The following MR1 variants were observed in gnomAD, a reference collection of about 807,000 sequenced individuals.
MR1 encodes major histocompatibility complex, class I-related.
MR1 carries 44 observed loss-of-function variants against 37.8 expected under a neutral mutation model. The observed-to-expected ratio is 1.16, with a 90% confidence interval of 0.91 to 1.50. The LOEUF is 1.50. Among genes scored for constraint, MR1 ranks in the 40% most tolerant of loss-of-function variants. The pLI, the probability that MR1 is intolerant of heterozygous loss-of-function variation, is 0.00. For synonymous variants in MR1, 153 were observed against 155.8 expected (o/e 0.98, Z 0.13); for missense variants, 386 against 419.1 (o/e 0.92, Z 0.69).
At chr1:181,047,952 T>C (rs1337600301) in intron 1 of MR1, among the ~76,000 whole-genome samples, 1 of 150,528 alleles carries the variant, frequency 6.6e-6, no homozygotes, top group Non-Finnish European at 1.5e-5. Flanking sequence ...GCGCGGTGGC[T>C]CACGCCTGTA....
rs777183076 is a variant in MR1, at chr1:181,050,183, CA to C, written c.503del (p.Asn168IlefsTer20). ...ACACCATCAAGCAGGCATGGGAGGC[CA>C]ATCAGCATGAGTTGCTGTATCAAAA... ...AHTIKQAWEA[N>X]QHELLYQKNW... On this transcript the variant is annotated frameshift_variant, in exon 3 of 6. Coordinates refer to ENST00000367580, the MANE Select transcript of MR1 (RefSeq NM_001385161.1). LOFTEE classifies it high-confidence loss of function. 3.7e-6 allele frequency: 6 copies of C among 1,614,080 alleles called. No individual in the cohort carries two copies. In the East Asian group the frequency reaches 1.1e-4, roughly 30 times the overall value.
chr1:181,055,423 A>G lies in MR1; in HGVS notation c.*158A>G, dbSNP rs1658561936. ...TTATGGCAGCAACAGAGGAGCCACA[A>G]AATGTTCTTTGTTCTTTGGCTCCAA... On this transcript the variant is annotated 3_prime_UTR_variant, in exon 6 of 6. Transcript: ENST00000367580. 3 of 648,470 alleles carry G rather than the reference A, an allele frequency of 4.6e-6. No individual in the cohort carries two copies. The highest frequency in any genetic ancestry group is 3.0e-5 in the Admixed American group (1 of 33,340). The allele number at this position is 648,470 out of a possible 1,614,324, so 40.2% of individuals were successfully genotyped here. A position where few individuals can be genotyped will look rare whatever the true frequency, so the allele number is the denominator to read the frequency against.
chr1:181,046,351 A>G (rs1657867719), intron 1 of MR1, among the ~76,000 whole-genome samples: 1 of 152,156 alleles, frequency 6.6e-6, no homozygotes, highest in African/African-American at 2.4e-5. Flanking sequence ...AAATACACCA[A>G]TCGGCACTCT....
chr1:181,057,974 C>G lies in MR1; in HGVS notation c.*2709C>G, dbSNP rs759345384. 2.0e-5 allele frequency: 3 copies of G among 152,308 alleles called. No homozygotes were observed. The highest frequency in any genetic ancestry group is 4.4e-5 in the Non-Finnish European group (3 of 68,080). 9.4% of individuals were successfully genotyped at this position (152,308 alleles called of 1,614,324 possible). On this transcript the variant is annotated 3_prime_UTR_variant, in exon 6 of 6. Coordinates refer to ENST00000367580, the MANE Select transcript of MR1 (RefSeq NM_001385161.1). ...GTGGTGAGCCGAGATCGCGCCATCG[C>G]ACTCTAGCCTGGGCAACAAGAGTGA...
chr1:181,040,171 T>C (rs1006030189), intron 1 of MR1, among the ~76,000 whole-genome samples: 2 of 152,140 alleles, frequency 1.3e-5, no homozygotes, highest in Admixed American at 1.3e-4. Flanking sequence ...AAATTCTAAA[T>C]TGTATATTTC....
intron 1 of MR1, among the ~76,000 whole-genome samples, chr1:181,035,749 A>G (rs137963932): frequency 1.4e-3 from 206 of 152,322 alleles, no homozygotes; most frequent in African/African-American, 4.8e-3. Context: ...CCACGCTCAC[A>G]TAAGGAGCAA....
rs190792984 is a variant in MR1 at position 181,052,785 on chromosome 1, G to A, written c.880+275G>A. 1.4e-3 allele frequency among the ~76,000 whole-genome samples: 216 copies of A among 152,302 alleles called. 1 individual carries two copies. Among genetic ancestry groups the A allele is most frequent in the Non-Finnish European group, 2.5e-3 (168 of 68,040 alleles). On this transcript the variant is annotated intron_variant, in intron 4 of 5. Coordinates refer to ENST00000367580, the MANE Select transcript of MR1 (RefSeq NM_001385161.1). ...AATTAAAAATTTAAAAATTAAACACGAATGGGTGCAGTGGCTCATGCCTGT... is the reference window on the plus strand; with the variant it reads ...AATTAAAAATTTAAAAATTAAACACAAATGGGTGCAGTGGCTCATGCCTGT...
rs1466635749 is a variant in MR1 at position 181,059,333 on chromosome 1, C to T, written c.*4068C>T. The T allele has an allele frequency of 6.6e-6, 1 of 152,362 alleles. No individual in the cohort carries two copies. Among genetic ancestry groups the T allele is most frequent in the African/African-American group, 2.4e-5 (1 of 41,454 alleles). The allele number at this position is 152,362 out of a possible 1,614,324, so 9.4% of individuals were successfully genotyped here. Reference sequence around the variant, plus strand: ...GCATCTCCTTTTCACTCTGGCCTCCCTTTCTCCATTGTCCTTCTAGCTTCT... The same window carrying T: ...GCATCTCCTTTTCACTCTGGCCTCCTTTTCTCCATTGTCCTTCTAGCTTCT... On this transcript the variant is annotated 3_prime_UTR_variant, in exon 6 of 6. Coordinates refer to ENST00000367580, the MANE Select transcript of MR1 (RefSeq NM_001385161.1).
rs1044702861 is a variant in MR1, at chr1:181,052,521, G to A, written c.880+11G>A. On this transcript the variant is annotated intron_variant, in intron 4 of 5. Transcript: ENST00000367580. ...TTCAGGTCCCCCAGGGTAAGGACGG[G>A]GATCGTGGCTGTCTAGGGAGAGAGC... The A allele has an allele frequency of 6.2e-7, 1 of 1,607,636 alleles. No individual in the cohort carries two copies. Among genetic ancestry groups the A allele is most frequent in the African/African-American group, 1.3e-5 (1 of 74,738 alleles).
chr1:181,045,343 C>T (rs890399078), intron 1 of MR1, among the ~76,000 whole-genome samples: 1 of 152,120 alleles, frequency 6.6e-6, no homozygotes, highest in African/African-American at 2.4e-5. Context: ...TATTTGCCAG[C>T]TTTTGGGGAT....
At chr1:181,055,186 A>G (rs1056234562) in intron 5 of MR1, 39 bp from the exon 6 acceptor site, 9 of 1,600,782 alleles carry the variant, frequency 5.6e-6, no homozygotes, top group African/African-American at 1.3e-5. Context: ...CTGTGAGGAA[A>G]CATTCTTGTA....
Position 181,048,148 on chromosome 1 carries a change from C to T in MR1, c.68-904C>T, listed in dbSNP as rs186488248. Among the ~76,000 whole-genome samples, 132 of 151,642 alleles carry T rather than the reference C, an allele frequency of 8.7e-4. 1 individual carries two copies. Among genetic ancestry groups the T allele is most frequent in the Admixed American group, 3.3e-3 (51 of 15,236 alleles). ...CAGAGAATTGCTTGAACCCGGTAGG[C>T]GGAGGTTGCAGTGAGCCGAGTTTGT... is the stretch of plus-strand genomic sequence containing the variant. On this transcript the variant is annotated intron_variant, in intron 1 of 5. Transcript: ENST00000367580.
Position 181,059,505 on chromosome 1 carries a change from A to T in MR1, c.*4240A>T, listed in dbSNP as rs1457713364. On this transcript the variant is annotated 3_prime_UTR_variant, in exon 6 of 6. Transcript: ENST00000367580. ...CAGTTCTGGCTTCTCATGGAGTTGG[A>T]GGCAAGTGGTGGCTGGAACAGAAAT... 1 of 152,258 alleles carries T rather than the reference A, an allele frequency of 6.6e-6. No homozygotes were observed. Among genetic ancestry groups the T allele is most frequent in the Non-Finnish European group, 1.5e-5 (1 of 68,124 alleles). The allele number at this position is 152,258 out of a possible 1,614,324, so 9.4% of individuals were successfully genotyped here.
chr1:181,050,870 T>A (rs1475213207), intron 3 of MR1: 1 of 156,246 alleles, frequency 6.4e-6, no homozygotes, highest in African/African-American at 2.4e-5. Flanking sequence ...ATGACTGTAG[T>A]CCCAGATACT....
At chr1:181,045,261 G>A (rs1354870429) in intron 1 of MR1, among the ~76,000 whole-genome samples, 1 of 152,142 alleles carries the variant, frequency 6.6e-6, no homozygotes, top group East Asian at 1.9e-4. Flanking sequence ...AGGACAAAAG[G>A]CTTGGACATG....
chr1:181,058,622 TGA>T lies in MR1; in HGVS notation c.*3362_*3363del, dbSNP rs1393546131. The T allele has an allele frequency of 6.6e-6, 1 of 152,222 alleles. No homozygotes were observed. Among genetic ancestry groups the T allele is most frequent in the Non-Finnish European group, 1.5e-5 (1 of 68,052 alleles). The allele number at this position is 152,222 out of a possible 1,614,324, so 9.4% of individuals were successfully genotyped here. On this transcript the variant is annotated 3_prime_UTR_variant, in exon 6 of 6. Transcript: ENST00000367580. ...GGTTTCTCCTCTTCTTTTTTTGGCC[TGA>T]GAGAAGATGTTTTTGCACTTGTAGC... is the stretch of plus-strand genomic sequence containing the variant.
At chr1:181,034,108 C>T (rs376787027) in intron 1 of MR1, 34 bp downstream of exon 1, 4 of 1,593,600 alleles carry the variant, frequency 2.5e-6, no homozygotes, top group Non-Finnish European at 3.4e-6. Flanking sequence ...CTCCTAACTC[C>T]AAAGTCGAGG....
chr1:181,052,171 A>T, intron 3 of MR1, 64 bp from the exon 4 acceptor site: 1 of 1,533,544 alleles, frequency 6.5e-7, no homozygotes, highest in Non-Finnish European at 8.8e-7. Context: ...CCAGTTGCCA[A>T]GTTCTAATAT....
At position 181,055,337 on chromosome 1, in the gene MR1, C is replaced by T; in HGVS notation, c.*72C>T. ...ATCCTCTGTCCCCCATAGAGTCAAG[C>T]CTAGTGCTTGAAGGTCCTGACGACA... On this transcript the variant is annotated 3_prime_UTR_variant, in exon 6 of 6. Coordinates refer to ENST00000367580, the MANE Select transcript of MR1 (RefSeq NM_001385161.1). 7.0e-7 allele frequency: 1 copy of T among 1,437,356 alleles called. No homozygotes were observed. The highest frequency in any genetic ancestry group is 1.7e-5 in the Admixed American group (1 of 57,520). 89.0% of individuals were successfully genotyped at this position (1,437,356 alleles called of 1,614,324 possible). A position where few individuals can be genotyped will look rare whatever the true frequency, so the allele number is the denominator to read the frequency against.
Sources: gnomAD v4.1 joint callset for allele counts (sites outside exome capture counted in the v4.1 genomes callset) on GRCh38, gnomAD v4.1.1 for gene constraint, MANE v1.5 for transcripts, NCBI Gene and HGNC (gene_info 2026-07-23, HGNC 2026-07-21) for gene names.